Variants in CNTNAP5 observed in about 807,000 individuals in gnomAD.
The protein encoded by CNTNAP5 is contactin-associated protein-like 5.
Under a neutral mutation model 150.2 loss-of-function variants are expected in CNTNAP5, and 72 were observed. The ratio of observed to expected loss-of-function variants is 0.48; its 90% CI spans 0.40 to 0.58. The LOEUF is 0.58. CNTNAP5 is among the 20% of genes least tolerant of loss of function. The probability of loss-of-function intolerance (pLI) is 0.00; values close to 1 mark genes in which losing one functional copy is unlikely to be tolerated. For synonymous variants in CNTNAP5, 672 were observed against 619.8 expected (o/e 1.08, Z -1.25); for missense variants, 1,636 against 1,626.2 (o/e 1.01, Z -0.10).
At chr2:124,069,124 A>C (rs1682237226) in intron 1 of CNTNAP5, among the ~76,000 whole-genome samples, 1 of 152,004 alleles carries the variant, frequency 6.6e-6, no homozygotes, top group Non-Finnish European at 1.5e-5. Context: ...ATGAAGGGTG[A>C]GTCCCAGGCC....
At chr2:124,247,728 T>C (rs910650809) in intron 3 of CNTNAP5, among the ~76,000 whole-genome samples, 36 of 152,126 alleles carry the variant, frequency 2.4e-4, no homozygotes, top group African/African-American at 8.0e-4. Context: ...TGGTTAGTGA[T>C]AGAAAATGAA....
At chr2:124,293,972 T>C (rs1326520502) in intron 3 of CNTNAP5, among the ~76,000 whole-genome samples, 1 of 152,118 alleles carries the variant, frequency 6.6e-6, no homozygotes, top group Non-Finnish European at 1.5e-5. Context: ...GATGTAGTCC[T>C]CAAATAGGGA....
chr2:124,046,433 G>GA (rs55954535), intron 1 of CNTNAP5, among the ~76,000 whole-genome samples: 15,888 of 134,456 alleles, frequency 0.12, 1,136 homozygotes, highest in East Asian at 0.14. Context: ...ACAAAAGAGA[G>GA]AAAAAAAAAA....
intron 3 of CNTNAP5, among the ~76,000 whole-genome samples, chr2:124,376,359 A>C (rs1443682275): frequency 6.6e-6 from 1 of 152,132 alleles, no homozygotes; most frequent in African/African-American, 2.4e-5. Flanking sequence ...GGAAGCAATT[A>C]CTGGTTCAGA....
chr2:124,895,325 G>A (rs1252993997), intron 21 of CNTNAP5, among the ~76,000 whole-genome samples: 2 of 151,436 alleles, frequency 1.3e-5, no homozygotes, highest in Non-Finnish European at 2.9e-5. Flanking sequence ...TGTGTCCAAG[G>A]TACTTTGCTA....
chr2:124,683,750 G>A (rs866652875), intron 13 of CNTNAP5, among the ~76,000 whole-genome samples: 1 of 152,058 alleles, frequency 6.6e-6, no homozygotes, highest in Non-Finnish European at 1.5e-5. Flanking sequence ...TTCTGGACAC[G>A]CTAAGTTATA....
intron 1 of CNTNAP5, among the ~76,000 whole-genome samples, chr2:124,096,626 C>A (rs1682940024): frequency 6.6e-6 from 1 of 152,062 alleles, no homozygotes; most frequent in East Asian, 1.9e-4. Context: ...ATTTGGGGAA[C>A]TGTATTCCCT....
chr2:124,355,833 G>A (rs1051604986), intron 3 of CNTNAP5, among the ~76,000 whole-genome samples: 1 of 152,190 alleles, frequency 6.6e-6, no homozygotes, highest in South Asian at 2.1e-4. Context: ...GGATATTGAA[G>A]AGGAAGGAGG....
At chr2:124,819,763 A>G (rs1056831309) in intron 19 of CNTNAP5, among the ~76,000 whole-genome samples, 21 of 152,186 alleles carry the variant, frequency 1.4e-4, no homozygotes, top group Non-Finnish European at 2.9e-4. Flanking sequence ...AAAAACAGAC[A>G]TTGAGAAATA....
At chr2:124,051,749 G>T (rs1681702766) in intron 1 of CNTNAP5, among the ~76,000 whole-genome samples, 1 of 152,154 alleles carries the variant, frequency 6.6e-6, no homozygotes. Flanking sequence ...ATCTCACAGA[G>T]CTTTGGTGAA....
intron 21 of CNTNAP5, among the ~76,000 whole-genome samples, chr2:124,893,514 T>G (rs1678242127): frequency 6.6e-6 from 1 of 152,150 alleles, no homozygotes; most frequent in South Asian, 2.1e-4. Flanking sequence ...TGTATGCCAT[T>G]TCTCTGCATG....
At chr2:124,207,460 G>T (rs765872223) in intron 1 of CNTNAP5, among the ~76,000 whole-genome samples, 5 of 152,174 alleles carry the variant, frequency 3.3e-5, no homozygotes, top group Non-Finnish European at 5.9e-5. Flanking sequence ...TGGGGGGATA[G>T]AAAAGGAAGG....
At chr2:124,109,867 G>C (rs1683256611) in intron 1 of CNTNAP5, among the ~76,000 whole-genome samples, 1 of 152,182 alleles carries the variant, frequency 6.6e-6, no homozygotes, top group Admixed American at 6.5e-5. Flanking sequence ...TTGAACAAAG[G>C]ATCTGCATTT....
chr2:124,105,615 C>A (rs1683156408), intron 1 of CNTNAP5, among the ~76,000 whole-genome samples: 1 of 151,998 alleles, frequency 6.6e-6, no homozygotes, highest in Middle Eastern at 3.4e-3. Context: ...AAAATTTTAA[C>A]TGTTATTGTT....
chr2:124,040,089 T>G (rs539175273), intron 1 of CNTNAP5, among the ~76,000 whole-genome samples: 2 of 152,206 alleles, frequency 1.3e-5, no homozygotes, highest in Non-Finnish European at 2.9e-5. Flanking sequence ...CTACTTATTT[T>G]CTGAAATCAA....
At chr2:124,469,743 A>C (rs1693459936) in intron 6 of CNTNAP5, among the ~76,000 whole-genome samples, 1 of 152,070 alleles carries the variant, frequency 6.6e-6, no homozygotes, top group Non-Finnish European at 1.5e-5. Context: ...AACCTTCCAC[A>C]GGCCCCACTG....
At chr2:124,552,998 GT>G (rs1356361290) in intron 10 of CNTNAP5, among the ~76,000 whole-genome samples, 3 of 152,020 alleles carry the variant, frequency 2.0e-5, no homozygotes, top group Admixed American at 6.6e-5. Context: ...ATTTTACATT[GT>G]TTTTGTGCAT....
intron 13 of CNTNAP5, among the ~76,000 whole-genome samples, chr2:124,717,356 T>C (rs1263302440): frequency 6.6e-6 from 1 of 152,226 alleles, no homozygotes; most frequent in African/African-American, 2.4e-5. Flanking sequence ...CAGGGAATAC[T>C]TGAGAATTGA....
chr2:124,167,834 A>G (rs1039725277), intron 1 of CNTNAP5, among the ~76,000 whole-genome samples: 9 of 152,180 alleles, frequency 5.9e-5, no homozygotes, highest in Non-Finnish European at 4.4e-5. Flanking sequence ...TTGAAGAAAG[A>G]CAAGTAGGAT....
Sources: allele counts gnomAD v4.1 joint callset (sites outside exome capture counted in the v4.1 genomes callset), GRCh38; gene constraint gnomAD v4.1.1; transcripts MANE v1.5; gene names NCBI Gene and HGNC (gene_info 2026-07-23, HGNC 2026-07-21).